Variants in SMCO4 observed in about 807,000 individuals in gnomAD.
SMCO4 encodes the protein single-pass membrane and coiled-coil domain-containing protein 4.
Under a neutral mutation model 3.6 loss-of-function variants are expected in SMCO4, and 4 were observed. The ratio of observed to expected loss-of-function variants is 1.11; its 90% CI spans 0.54 to 2.53. The LOEUF (loss-of-function observed/expected upper bound fraction) is 2.53, where lower values mean the gene tolerates loss of function less well. Among genes scored for constraint, SMCO4 ranks in the 30% most tolerant of loss-of-function variants. The pLI, the probability that SMCO4 is intolerant of heterozygous loss-of-function variation, is 0.02. For synonymous variants in SMCO4, 36 were observed against 35.3 expected (o/e 1.02, Z -0.07); for missense variants, 70 against 80.8 (o/e 0.87, Z 0.51).
intron 1 of SMCO4, among the ~76,000 whole-genome samples, chr11:93,518,692 T>G (rs971397302): frequency 4.6e-5 from 7 of 152,224 alleles, no homozygotes; most frequent in African/African-American, 1.4e-4. Context: ...CTTCTATGTT[T>G]TTGAAAGGCT....
At chr11:93,543,102 C>T (rs1182016492) in intron 1 of SMCO4, among the ~76,000 whole-genome samples, 174 bp downstream of exon 1, 2 of 151,566 alleles carry the variant, frequency 1.3e-5, no homozygotes, top group South Asian at 2.1e-4. Flanking sequence ...CGCTCGGGAC[C>T]CGCCGGGCGC....
intron 1 of SMCO4, among the ~76,000 whole-genome samples, chr11:93,527,780 T>C (rs1160394420): frequency 6.6e-6 from 1 of 152,166 alleles, no homozygotes; most frequent in Non-Finnish European, 1.5e-5. Flanking sequence ...AATTTTTACG[T>C]ATATTTCACC....
intron 2 of SMCO4, among the ~76,000 whole-genome samples, chr11:93,492,476 C>T (rs920167078): frequency 6.6e-6 from 1 of 152,148 alleles, no homozygotes; most frequent in African/African-American, 2.4e-5. Context: ...AAAAAATAAA[C>T]AAATAAAAGT....
chr11:93,480,591 G>A (rs1280482425), intron 2 of SMCO4, among the ~76,000 whole-genome samples: 6 of 152,210 alleles, frequency 3.9e-5, no homozygotes, highest in Non-Finnish European at 8.8e-5. Context: ...TATTCTCGGA[G>A]AGTAGCATGG....
At chr11:93,488,720 T>G (rs561506378) in intron 2 of SMCO4, among the ~76,000 whole-genome samples, 9 of 152,180 alleles carry the variant, frequency 5.9e-5, no homozygotes, top group Non-Finnish European at 1.2e-4. Flanking sequence ...GCTGGAGGCA[T>G]GCGCCTGCAA....
upstream of SMCO4, chr11:93,543,512 C>G (rs188279739): frequency 1.8e-3 from 271 of 153,112 alleles, 8 homozygotes; most frequent in East Asian, 0.043. Context: ...CTTCCCCGTT[C>G]CCGGCTCAGA....
At position 93,496,942 on chromosome 11, in the gene SMCO4, G is replaced by T. The variant is rs547894941; in HGVS notation, c.-81+2334C>A. Among the ~76,000 whole-genome samples the T allele has an allele frequency of 2.3e-4, 35 of 152,266 alleles. No individual in the cohort carries two copies. In the East Asian group the frequency reaches 6.6e-3, roughly 29 times the overall value. ...ACTATGGGGAGTAACCTGTTTGGGG[G>T]ATTCCAGGTTAGAATTTCCCACAGG... On this transcript the variant is annotated intron_variant, in intron 2 of 2. Transcript: ENST00000298966.
intron 1 of SMCO4, among the ~76,000 whole-genome samples, chr11:93,531,420 A>C (rs1054465569): frequency 6.6e-6 from 1 of 152,126 alleles, no homozygotes; most frequent in African/African-American, 2.4e-5. Flanking sequence ...CCTGGGTCTC[A>C]AGGCCTCAGT....
chr11:93,513,998 G>A (rs955345268), intron 1 of SMCO4, among the ~76,000 whole-genome samples: 2 of 152,062 alleles, frequency 1.3e-5, no homozygotes, highest in African/African-American at 4.8e-5. Context: ...TTCAGGGCAG[G>A]GACCACCTGG....
chr11:93,552,880 T>G, the SMCO4 span, among the ~76,000 whole-genome samples: 14 of 152,212 alleles, frequency 9.2e-5, no homozygotes, highest in South Asian at 6.2e-4. Context: ...TAGGAAATTA[T>G]TCTTCCTTAT....
At position 93,478,804 on chromosome 11, in the gene SMCO4, T is replaced by C; in HGVS notation, c.*206A>G. The C allele has an allele frequency of 2.2e-6, 3 of 1,390,434 alleles. No individual in the cohort carries two copies. Among genetic ancestry groups the C allele is most frequent in the Non-Finnish European group, 2.8e-6 (3 of 1,069,936 alleles). 86.1% of individuals were successfully genotyped at this position (1,390,434 alleles called of 1,614,324 possible). A position where few individuals can be genotyped will look rare whatever the true frequency, so the allele number is the denominator to read the frequency against. On this transcript the variant is annotated 3_prime_UTR_variant, in exon 3 of 3. Coordinates refer to ENST00000298966, the MANE Select transcript of SMCO4 (RefSeq NM_020179.3). ...GGCACATGAAGTGGACCATAAGGTG[T>C]ATGGCACATTCACTGATAAAACATC...
intron 1 of SMCO4, among the ~76,000 whole-genome samples, chr11:93,536,935 A>G (rs10765615): frequency 0.75 from 114,723 of 152,096 alleles, 43,772 homozygotes; most frequent in East Asian, 0.95. Flanking sequence ...CAATTTCTGC[A>G]GTACTGATGA....
At chr11:93,535,875 T>C in intron 1 of SMCO4, 1 of 1,605,860 alleles carries the variant, frequency 6.2e-7, no homozygotes, top group Non-Finnish European at 8.5e-7. Flanking sequence ...TATTTTTTCC[T>C]TTTGGCCACA....
intron 1 of SMCO4, among the ~76,000 whole-genome samples, chr11:93,536,487 G>C (rs934144762): frequency 3.3e-5 from 5 of 152,166 alleles, no homozygotes; most frequent in African/African-American, 1.2e-4. Context: ...GAACAGAGAA[G>C]AGCTACATGC....
chr11:93,549,626 T>TA, the SMCO4 span, among the ~76,000 whole-genome samples: 90,630 of 148,888 alleles, frequency 0.61, 27,544 homozygotes, highest in East Asian at 0.81. Context: ...TTTATTTATT[T>TA]TTTTTTTTTT....
chr11:93,509,127 CA>C (rs59961622), intron 1 of SMCO4, among the ~76,000 whole-genome samples: 212 of 138,334 alleles, frequency 1.5e-3, no homozygotes, highest in Non-Finnish European at 1.4e-3. Context: ...CTGTCTCTAC[CA>C]AAAAAAAAAA....
intron 2 of SMCO4, among the ~76,000 whole-genome samples, chr11:93,491,900 A>G (rs1948722119): frequency 6.6e-6 from 1 of 152,160 alleles, no homozygotes; most frequent in Admixed American, 6.5e-5. Flanking sequence ...CACAGCCCTC[A>G]TGTTCTTTTA....
At chr11:93,545,350 G>A (rs1337736167), upstream of SMCO4, among the ~76,000 whole-genome samples, 1 of 152,080 alleles carries the variant, frequency 6.6e-6, no homozygotes, top group East Asian at 1.9e-4. Flanking sequence ...CACTTTGGGA[G>A]GCCGAGGTGG....
At chr11:93,510,406 C>G (rs1374526239) in intron 1 of SMCO4, among the ~76,000 whole-genome samples, 1 of 152,208 alleles carries the variant, frequency 6.6e-6, no homozygotes, top group African/African-American at 2.4e-5. Flanking sequence ...CAACCAAGGC[C>G]TGGATCTAAG....
Sources: gnomAD v4.1 joint callset for allele counts (sites outside exome capture counted in the v4.1 genomes callset) on GRCh38, gnomAD v4.1.1 for gene constraint, MANE v1.5 for transcripts, NCBI Gene and HGNC (gene_info 2026-07-23, HGNC 2026-07-21) for gene names.